ATP10B: variants seen among roughly 807,000 people sequenced by gnomAD.
The protein encoded by ATP10B is ATPase phospholipid transporting 10B (putative).
Under a neutral mutation model 141.2 loss-of-function variants are expected in ATP10B, and 122 were observed. The ratio of observed to expected loss-of-function variants is 0.86; its 90% CI spans 0.75 to 1.00. The LOEUF (loss-of-function observed/expected upper bound fraction) is 1.00, where lower values mean the gene tolerates loss of function less well. Among genes scored for constraint, ATP10B ranks in the 50% least tolerant of loss-of-function variants. ATP10B has a pLI of 0.00. For synonymous variants in ATP10B, 685 were observed against 692.0 expected (o/e 0.99, Z 0.16); for missense variants, 1,876 against 1,825.3 (o/e 1.03, Z -0.51).
At chr5:160,829,605 T>C (rs183831175) in intron 1 of ATP10B, among the ~76,000 whole-genome samples, 72 of 152,258 alleles carry the variant, frequency 4.7e-4, no homozygotes, top group African/African-American at 1.7e-3. Context: ...GTACGTAACA[T>C]TTTTCATTTA....
At chr5:160,747,229 T>C (rs1035850433) in intron 2 of ATP10B, among the ~76,000 whole-genome samples, 2 of 152,180 alleles carry the variant, frequency 1.3e-5, no homozygotes, top group African/African-American at 2.4e-5. Context: ...GAACCTATTA[T>C]GTTACCTGCC....
At position 160,754,975 on chromosome 5, in the gene ATP10B, G is replaced by A. The variant is rs551722989; in HGVS notation, c.-331+30584C>T. On this transcript the variant is annotated intron_variant, in intron 2 of 25. Transcript: ENST00000327245. ...TCACCCAGCAAAGGGAATACATTCT[G>A]AGAAATGCTGTAATAGTCCATTTTC... Among the ~76,000 whole-genome samples the A allele has an allele frequency of 6.6e-4, 101 of 152,302 alleles. 1 individual carries two copies. The highest frequency in any genetic ancestry group is 5.9e-3 in the Admixed American group (90 of 15,300).
intron 3 of ATP10B, among the ~76,000 whole-genome samples, chr5:160,705,486 T>C (rs1009348064): frequency 6.6e-5 from 10 of 152,154 alleles, no homozygotes; most frequent in African/African-American, 1.2e-4. Flanking sequence ...ACCTTGGGAT[T>C]ACAAGTGTGA....
chr5:160,793,420 A>C (rs982144833), intron 1 of ATP10B, among the ~76,000 whole-genome samples: 2 of 152,168 alleles, frequency 1.3e-5, no homozygotes, highest in African/African-American at 4.8e-5. Context: ...CTGTAGACCA[A>C]CACTCTTCAA....
intron 1 of ATP10B, among the ~76,000 whole-genome samples, chr5:160,823,035 T>TATATATATATAA (rs1554121614): frequency 8.9e-6 from 1 of 111,966 alleles, no homozygotes; most frequent in Non-Finnish European, 1.9e-5. Flanking sequence ...TATATATATA[T>TATATATATATAA]AAAATAAAGA....
At chr5:160,874,622 G>T in the ATP10B span, among the ~76,000 whole-genome samples, 2 of 152,122 alleles carry the variant, frequency 1.3e-5, no homozygotes. Flanking sequence ...AGGCAAAGAA[G>T]TTGAAAACTT....
At chr5:160,668,760 GTT>G in intron 7 of ATP10B, among the ~76,000 whole-genome samples, 1 of 152,220 alleles carries the variant, frequency 6.6e-6, no homozygotes, top group Middle Eastern at 3.4e-3. Context: ...TCTTTATTCT[GTT>G]CTTTACTTTC....
chr5:160,728,910 G>T (rs951621722), intron 2 of ATP10B, among the ~76,000 whole-genome samples: 2 of 152,196 alleles, frequency 1.3e-5, no homozygotes, highest in African/African-American at 4.8e-5. Context: ...TGGGTATGTG[G>T]GTCAAGCCCA....
At chr5:160,707,896 T>G (rs1006250077) in intron 3 of ATP10B, among the ~76,000 whole-genome samples, 1 of 152,172 alleles carries the variant, frequency 6.6e-6, no homozygotes, top group Non-Finnish European at 1.5e-5. Flanking sequence ...AATCAGACAC[T>G]ACAAGCTTGA....
chr5:160,571,457 CTT>C (rs1754871913), intron 24 of ATP10B, among the ~76,000 whole-genome samples: 1 of 151,992 alleles, frequency 6.6e-6, no homozygotes, highest in African/African-American at 2.4e-5. Context: ...AAAGCTTATT[CTT>C]TGTTTCTTTA....
intron 18 of ATP10B, among the ~76,000 whole-genome samples, chr5:160,609,992 A>G (rs1757623326): frequency 6.6e-6 from 1 of 152,222 alleles, no homozygotes. Context: ...TAAAGTATAC[A>G]ATAATTACCA....
intron 12 of ATP10B, 169 bp from the exon 13 acceptor site, chr5:160,632,536 C>G: frequency 1.7e-6 from 1 of 590,216 alleles, no homozygotes; most frequent in East Asian, 2.7e-5. Context: ...AAAACTAAGT[C>G]CCACAGATTC....
rs554398798 is a variant in ATP10B, at chr5:160,801,938, AAAG to A, written c.-575-16138_-575-16136del. Among the ~76,000 whole-genome samples the A allele has an allele frequency of 8.7e-4, 132 of 152,304 alleles. 1 individual carries two copies. Among genetic ancestry groups the A allele is most frequent in the African/African-American group, 3.0e-3 (123 of 41,568 alleles). On this transcript the variant is annotated intron_variant, in intron 1 of 25. Transcript: ENST00000327245. ...CACCTCATCTAGCATAATGCCTAGCAAAGAAGATCTTCCCAAGAAATATTTATC... is the reference window on the plus strand; with the variant it reads ...CACCTCATCTAGCATAATGCCTAGCAAAGATCTTCCCAAGAAATATTTATC...
At chr5:160,652,905 A>ATATACATG (rs1760924874) in intron 7 of ATP10B, among the ~76,000 whole-genome samples, 2 of 68,752 alleles carry the variant, frequency 2.9e-5, no homozygotes, top group Non-Finnish European at 4.7e-5. Context: ...AATATATTAT[A>ATATACATG]TATACATGTA....
At chr5:160,927,339 T>C in the ATP10B span, among the ~76,000 whole-genome samples, 2 of 152,188 alleles carry the variant, frequency 1.3e-5, no homozygotes, top group African/African-American at 4.8e-5. Flanking sequence ...ATCAATACCA[T>C]ACCTGGCATC....
At chr5:160,801,597 T>C (rs1389122543) in intron 1 of ATP10B, among the ~76,000 whole-genome samples, 2 of 152,164 alleles carry the variant, frequency 1.3e-5, no homozygotes, top group East Asian at 1.9e-4. Context: ...CAGTGCTTAA[T>C]AAAAATGTAT....
At chr5:160,802,778 C>T (rs1045700429) in intron 1 of ATP10B, among the ~76,000 whole-genome samples, 1 of 152,136 alleles carries the variant, frequency 6.6e-6, no homozygotes, top group South Asian at 2.1e-4. Flanking sequence ...GACTTGCAAC[C>T]GCTGCTGTGT....
intron 24 of ATP10B, among the ~76,000 whole-genome samples, chr5:160,570,345 C>A (rs1421658): frequency 6.6e-6 from 1 of 151,966 alleles, no homozygotes; most frequent in Non-Finnish European, 1.5e-5. Context: ...AATACACAAT[C>A]GGCTAATGTT....
chr5:160,697,974 A>T (rs1384449094), intron 3 of ATP10B, among the ~76,000 whole-genome samples: 2 of 152,336 alleles, frequency 1.3e-5, no homozygotes, highest in East Asian at 3.9e-4. Context: ...AATATTTCTC[A>T]TCTGCCACAT....
Sources: allele counts gnomAD v4.1 joint callset (sites outside exome capture counted in the v4.1 genomes callset), GRCh38; gene constraint gnomAD v4.1.1; transcripts MANE v1.5; gene names NCBI Gene and HGNC (gene_info 2026-07-23, HGNC 2026-07-21).